CFTR: variants seen among roughly 807,000 people sequenced by gnomAD.
CFTR encodes the protein cystic fibrosis transmembrane conductance regulator.
A neutral mutation model predicts 171.6 loss-of-function variants in CFTR; 181 were observed. That is an observed-to-expected ratio of 1.05 (90% CI 0.93 to 1.19). The LOEUF (loss-of-function observed/expected upper bound fraction) is 1.19, where lower values mean the gene tolerates loss of function less well. CFTR is among the 50% of genes most tolerant of loss of function. The pLI, the probability that CFTR is intolerant of heterozygous loss-of-function variation, is 0.00. For synonymous variants in CFTR, 583 were observed against 608.0 expected (o/e 0.96, Z 0.60); for missense variants, 1,968 against 1,734.7 (o/e 1.13, Z -2.39).
chr7:117,545,855 C>G (rs1048590337), intron 9 of CFTR, among the ~76,000 whole-genome samples: 1 of 151,646 alleles, frequency 6.6e-6, no homozygotes, highest in African/African-American at 2.4e-5. Flanking sequence ...GAATCTTGCT[C>G]TATCACGTGG....
At chr7:117,528,204 A>G (rs1461482380) in intron 3 of CFTR, among the ~76,000 whole-genome samples, 1 of 90,410 alleles carries the variant, frequency 1.1e-5, no homozygotes, top group Admixed American at 1.3e-4. Context: ...CCTCAGAAAT[A>G]ACGCCGCATA....
At chr7:117,521,265 T>C (rs1798681818) in intron 3 of CFTR, among the ~76,000 whole-genome samples, 1 of 152,046 alleles carries the variant, frequency 6.6e-6, no homozygotes. Context: ...TACTTCTTGC[T>C]TCTTTCCAAT....
rs975645470 is a variant in CFTR at position 117,659,738 on chromosome 7, G to T, written c.3964-4950G>T. On this transcript the variant is annotated intron_variant, in intron 24 of 26. Transcript: ENST00000003084. ...AAAATAGTTTCCATCCTTACTCATT[G>T]ATAGTAAGGTTAGTTATTTTAGAAA... Among the ~76,000 whole-genome samples, 5 of 152,204 alleles carry T rather than the reference G, an allele frequency of 3.3e-5. No homozygotes were observed. The South Asian group carries it at 1.0e-3, about 32-fold the overall frequency.
At chr7:117,655,083 A>G (rs1430880110) in intron 24 of CFTR, among the ~76,000 whole-genome samples, 2 of 152,190 alleles carry the variant, frequency 1.3e-5, no homozygotes, top group African/African-American at 4.8e-5. Context: ...TAATTTACTT[A>G]TCAAATTTGG....
chr7:117,649,460 G>A (rs1793050967), intron 23 of CFTR, among the ~76,000 whole-genome samples: 1 of 140,448 alleles, frequency 7.1e-6, no homozygotes, highest in South Asian at 2.2e-4. Context: ...ATACATACAT[G>A]CATATATCTG....
At chr7:117,543,036 A>G (rs1351419512) in intron 9 of CFTR, among the ~76,000 whole-genome samples, 1 of 152,236 alleles carries the variant, frequency 6.6e-6, no homozygotes, top group African/African-American at 2.4e-5. Context: ...ATACTGCTCC[A>G]CATAAAAAAT....
At chr7:117,506,495 C>G (rs1225419198) in intron 2 of CFTR, among the ~76,000 whole-genome samples, 1 of 152,174 alleles carries the variant, frequency 6.6e-6, no homozygotes, top group African/African-American at 2.4e-5. Flanking sequence ...ATCTGCCCAC[C>G]TTGGCCTCCC....
rs149621568 is a variant in CFTR at position 117,603,920 on chromosome 7, C to T, written c.2908+138C>T. 6,901 of 862,418 alleles carry T rather than the reference C, an allele frequency of 8.0e-3. 38 individuals are homozygous for T. Among genetic ancestry groups the T allele is most frequent in the Non-Finnish European group, 0.012 (6,069 of 514,346 alleles). 53.4% of individuals were successfully genotyped at this position (862,418 alleles called of 1,614,324 possible). On this transcript the variant is annotated intron_variant, in intron 17 of 26. Transcript: ENST00000003084. ...GTTGAACCTCCATTTGACTGGCATG[C>T]ACATGTCTCAGATATTATAGGTTAT...
chr7:117,595,293 TCAA>T (rs969570452), intron 15 of CFTR, among the ~76,000 whole-genome samples: 2 of 150,726 alleles, frequency 1.3e-5, no homozygotes, highest in Admixed American at 6.6e-5. Flanking sequence ...TTCTGAAAAA[TCAA>T]CAAGTAGAAC....
chr7:117,565,391 C>T (rs914249405), intron 11 of CFTR, among the ~76,000 whole-genome samples: 5 of 152,314 alleles, frequency 3.3e-5, no homozygotes, highest in East Asian at 1.9e-4. Context: ...CAGTCTACCA[C>T]GTAGTCCCAT....
chr7:117,515,718 A>G (rs1181009855), intron 3 of CFTR, among the ~76,000 whole-genome samples: 1 of 152,196 alleles, frequency 6.6e-6, no homozygotes, highest in African/African-American at 2.4e-5. Flanking sequence ...TGGGAATAGC[A>G]TTGAAATTAT....
chr7:117,534,347 C>A lies in CFTR; in HGVS notation c.561C>A (p.Asn187Lys), dbSNP rs397508754. The A allele has an allele frequency of 1.9e-6, 3 of 1,581,684 alleles. No individual in the cohort carries two copies. The highest frequency in any genetic ancestry group is 1.1e-5 in the South Asian group (1 of 90,412). ...IGQLVSLLSN[N>K]LNKFDEGLAL... ...AACTTGTTAGTCTCCTTTCCAACAA[C>A]CTGAACAAATTTGATGAAGTATGTA... The change falls in exon 5 of 27, where the codon AAC becomes AAA. Residue 187 changes from asparagine to lysine, a missense_variant. Physicochemically the swap from Asn to Lys is moderately conservative, Grantham distance 94. Transcript: ENST00000003084.
rs377729736 is a variant in CFTR, at chr7:117,531,117, A to G, written c.489+3A>G. ...TGTTTAGTTTGATTTATAAGAAGGT[A>G]ATACTTCCTTGCACAGGCCCCATGG... On this transcript the variant is annotated splice_donor_region_variant and intron_variant, in intron 4 of 26. Coordinates refer to ENST00000003084, the MANE Select transcript of CFTR (RefSeq NM_000492.4). 285 of 1,605,062 alleles carry G rather than the reference A, an allele frequency of 1.8e-4. No individual in the cohort carries two copies. Among genetic ancestry groups the G allele is most frequent in the Middle Eastern group, 9.9e-4 (6 of 6,066 alleles).
rs887717011 is a variant in CFTR at position 117,667,811 on chromosome 7, C to A, written c.*703C>A. Reference sequence around the variant, plus strand: ...CTCAATATTTCAGATAATCACAATACATCCCTTACCTGGGAAAGGGCTGTT... The same window carrying A: ...CTCAATATTTCAGATAATCACAATAAATCCCTTACCTGGGAAAGGGCTGTT... On this transcript the variant is annotated 3_prime_UTR_variant, in exon 27 of 27. Coordinates refer to ENST00000003084, the MANE Select transcript of CFTR (RefSeq NM_000492.4). 1.3e-5 allele frequency: 2 copies of A among 155,380 alleles called. No individual in the cohort carries two copies. The highest frequency in any genetic ancestry group is 1.9e-4 in the East Asian group (1 of 5,266). The allele number at this position is 155,380 out of a possible 1,614,324, so 9.6% of individuals were successfully genotyped here.
rs772774651 is a variant in CFTR, at chr7:117,480,135, A to G, written c.41A>G (p.Lys14Arg). The G allele has an allele frequency of 2.5e-6, 4 of 1,613,748 alleles. No individual in the cohort carries two copies. Among genetic ancestry groups the G allele is most frequent in the African/African-American group, 1.3e-5 (1 of 74,876 alleles). ...CTGGAAAAGGCCAGCGTTGTCTCCA[A>G]ACTTTTTTTCAGGTGAGAAGGTGGC... ...SPLEKASVVS[K>R]LFFSWTRPIL... Residue 14 changes from lysine to arginine, a missense_variant, in exon 1 of 27, where the codon AAA becomes AGA. Lys to Arg is a conservative substitution (Grantham distance 26, BLOSUM62 2). Transcript: ENST00000003084.
At position 117,642,545 on chromosome 7, in the gene CFTR, T is replaced by C; in HGVS notation, c.3825T>C (p.Asp1275=). 1 of 1,613,596 alleles carries C rather than the reference T, an allele frequency of 6.2e-7. No homozygotes were observed. Among genetic ancestry groups the C allele is most frequent in the Non-Finnish European group, 8.5e-7 (1 of 1,179,726 alleles). The stretch of plus-strand genomic sequence containing the variant: ...TCCAGATCGATGGTGTGTCTTGGGA[T>C]TCAATAACTTTGCAACAGTGGAGGA... ...GEIQIDGVSW[D]SITLQQWRKA... Residue 1275 remains aspartate, a synonymous_variant, in exon 23 of 27, where the codon GAT becomes GAC. Transcript: ENST00000003084.
intron 10 of CFTR, among the ~76,000 whole-genome samples, chr7:117,550,415 C>T (rs1799249224): frequency 6.6e-6 from 1 of 151,976 alleles, no homozygotes; most frequent in Admixed American, 6.6e-5. Context: ...TACGAAACAG[C>T]TTTTAAAACA....
At chr7:117,628,738 G>A (rs1792693157) in intron 22 of CFTR, among the ~76,000 whole-genome samples, 1 of 152,050 alleles carries the variant, frequency 6.6e-6, no homozygotes, top group African/African-American at 2.4e-5. Flanking sequence ...TTAATGCATT[G>A]TACAAATTCT....
chr7:117,610,432 A>G (rs1792364198), intron 18 of CFTR, 87 bp from the exon 19 acceptor site: 2 of 1,275,818 alleles, frequency 1.6e-6, no homozygotes, highest in Admixed American at 2.0e-5. Context: ...ATGCAAAAAA[A>G]AAAAAAGAAA....
Sources: gnomAD v4.1 joint callset for allele counts (sites outside exome capture counted in the v4.1 genomes callset) on GRCh38, gnomAD v4.1.1 for gene constraint, MANE v1.5 for transcripts, NCBI Gene and HGNC (gene_info 2026-07-23, HGNC 2026-07-21) for gene names.